Variants in NAV2 observed in about 807,000 individuals in gnomAD.
NAV2 encodes the protein neuron navigator 2.
NAV2 carries 54 observed loss-of-function variants against 223.2 expected under a neutral mutation model. That is an observed-to-expected ratio of 0.24 (90% CI 0.19 to 0.30). The LOEUF (loss-of-function observed/expected upper bound fraction) is 0.30, where lower values mean the gene tolerates loss of function less well. Ranked by LOEUF, NAV2 falls within the 10% of genes least tolerant of loss-of-function variation. The probability of loss-of-function intolerance (pLI) is 1.00; values close to 1 mark genes in which losing one functional copy is unlikely to be tolerated. For synonymous variants in NAV2, 1,279 were observed against 1,239.3 expected (o/e 1.03, Z -0.67); for missense variants, 2,806 against 3,147.5 (o/e 0.89, Z 2.60).
intron 1 of NAV2, among the ~76,000 whole-genome samples, chr11:19,578,814 C>T (rs937095779): frequency 1.3e-5 from 2 of 151,992 alleles, no homozygotes; most frequent in Non-Finnish European, 2.9e-5. Flanking sequence ...AGCGGATGAC[C>T]CTAAAGCCTA....
intron 5 of NAV2, chr11:19,884,339 T>A (rs1337838015): frequency 6.2e-7 from 1 of 1,613,940 alleles, no homozygotes; most frequent in Non-Finnish European, 8.5e-7. Flanking sequence ...TCCGCTTCAC[T>A]CTGGGTCAGA....
chr11:19,632,268 T>C (rs1346468546), intron 1 of NAV2, among the ~76,000 whole-genome samples: 1 of 152,226 alleles, frequency 6.6e-6, no homozygotes, highest in Non-Finnish European at 1.5e-5. Context: ...GTCTTTTTTC[T>C]AGCAATTTAA....
intron 1 of NAV2, among the ~76,000 whole-genome samples, chr11:19,599,656 C>T (rs181306481): frequency 6.6e-6 from 1 of 152,172 alleles, no homozygotes; most frequent in Non-Finnish European, 1.5e-5. Context: ...ATGCTCACAT[C>T]CTAAGGTTTC....
chr11:20,118,266 C>T lies in NAV2; in HGVS notation c.*8C>T. The stretch of plus-strand genomic sequence containing the variant: ...TTGGAGTCCACTCTGTGACAGGGGC[C>T]CGGAGCCCAGCGCCCTCCTCTTCTC... On this transcript the variant is annotated 3_prime_UTR_variant, in exon 38 of 38. Coordinates refer to ENST00000349880, the MANE Select transcript of NAV2 (RefSeq NM_145117.5). The T allele has an allele frequency of 6.2e-7, 1 of 1,613,622 alleles. No homozygotes were observed. The highest frequency in any genetic ancestry group is 2.2e-5 in the East Asian group (1 of 44,850).
chr11:19,579,863 A>G (rs573041082), intron 1 of NAV2, among the ~76,000 whole-genome samples: 50 of 152,330 alleles, frequency 3.3e-4, no homozygotes, highest in African/African-American at 9.9e-4. Flanking sequence ...AGGCTCTGAG[A>G]AGGCCTCTGT....
intron 1 of NAV2, among the ~76,000 whole-genome samples, chr11:19,615,839 A>G (rs11025194): frequency 0.38 from 57,881 of 152,102 alleles, 13,498 homozygotes; most frequent in East Asian, 0.56. Context: ...AAGCAACCAC[A>G]TAGGGTAGGC....
chr11:19,924,303 A>C (rs887113694), intron 6 of NAV2, among the ~76,000 whole-genome samples: 18 of 151,984 alleles, frequency 1.2e-4, no homozygotes, highest in Middle Eastern at 3.2e-3. Context: ...TTTAAAAAAA[A>C]AAAAAAAACA....
intron 11 of NAV2, among the ~76,000 whole-genome samples, chr11:20,008,089 A>G (rs2053236063): frequency 6.6e-6 from 1 of 152,192 alleles, no homozygotes; most frequent in South Asian, 2.1e-4. Context: ...AAATCAGGCC[A>G]GGCACGGTGG....
intron 1 of NAV2, among the ~76,000 whole-genome samples, chr11:19,399,069 T>A (rs1457347523): frequency 6.6e-6 from 1 of 152,172 alleles, no homozygotes; most frequent in Admixed American, 6.5e-5. Flanking sequence ...CAAAAAGAGA[T>A]GTTGAATCAC....
chr11:19,844,249 TGTA>T (rs2060662864), intron 3 of NAV2, among the ~76,000 whole-genome samples: 1 of 152,262 alleles, frequency 6.6e-6, no homozygotes, highest in African/African-American at 2.4e-5. Flanking sequence ...ATGCTGCACA[TGTA>T]GTCCTATCTT....
intron 1 of NAV2, among the ~76,000 whole-genome samples, chr11:19,632,620 A>T (rs2047378326): frequency 6.6e-6 from 1 of 152,178 alleles, no homozygotes; most frequent in Admixed American, 6.5e-5. Context: ...CCTTGGAGCA[A>T]ACTCAGCAGG....
intron 1 of NAV2, chr11:19,777,377 C>T (rs1386801655): frequency 2.3e-6 from 1 of 433,214 alleles, no homozygotes; most frequent in African/African-American, 2.1e-5. Flanking sequence ...ACGGCCAGAC[C>T]TGCCGGGCGC....
chr11:20,100,247 C>T (rs2061536407), intron 31 of NAV2, among the ~76,000 whole-genome samples: 1 of 152,064 alleles, frequency 6.6e-6, no homozygotes, highest in South Asian at 2.1e-4. Context: ...TGACATTGTC[C>T]CAGATAGGAA....
chr11:19,820,960 G>T (rs2013631489), intron 1 of NAV2, among the ~76,000 whole-genome samples: 1 of 152,172 alleles, frequency 6.6e-6, no homozygotes, highest in Non-Finnish European at 1.5e-5. Context: ...TATGAAACGG[G>T]GCATTGAGAG....
intron 11 of NAV2, among the ~76,000 whole-genome samples, chr11:19,991,928 T>C (rs1219214045): frequency 6.6e-6 from 1 of 152,206 alleles, no homozygotes; most frequent in Non-Finnish European, 1.5e-5. Flanking sequence ...TCATTTTCCT[T>C]GCCTTCTCCT....
At chr11:20,048,668 A>T (rs2057697722) in intron 14 of NAV2, 60 bp from the exon 15 acceptor site, 1 of 1,432,384 alleles carries the variant, frequency 7.0e-7, no homozygotes, top group African/African-American at 1.4e-5. Flanking sequence ...CCCTTCTTTA[A>T]CAGTCCGGTG....
At chr11:19,623,522 T>C (rs1362448145) in intron 1 of NAV2, among the ~76,000 whole-genome samples, 5 of 152,208 alleles carry the variant, frequency 3.3e-5, no homozygotes, top group African/African-American at 1.2e-4. Flanking sequence ...ATTTGATCTT[T>C]AATCACTGAT....
chr11:19,948,610 A>G (rs2047130688), intron 9 of NAV2, 81 bp from the exon 10 acceptor site: 2 of 1,393,022 alleles, frequency 1.4e-6, no homozygotes, highest in African/African-American at 2.9e-5. Flanking sequence ...ATTATTTCAT[A>G]ATTCTAAATA....
At chr11:19,537,367 T>C (rs2044219641) in intron 1 of NAV2, among the ~76,000 whole-genome samples, 1 of 152,194 alleles carries the variant, frequency 6.6e-6, no homozygotes, top group African/African-American at 2.4e-5. Context: ...ACGAGGAAAG[T>C]CTAATATTAT....
Sources: allele counts gnomAD v4.1 joint callset (sites outside exome capture counted in the v4.1 genomes callset), GRCh38; gene constraint gnomAD v4.1.1; transcripts MANE v1.5; gene names NCBI Gene and HGNC (gene_info 2026-07-23, HGNC 2026-07-21).